SNX4: variants seen among roughly 807,000 people sequenced by gnomAD.
The protein encoded by SNX4 is sorting nexin 4.
SNX4 carries 49 observed loss-of-function variants against 70.8 expected under a neutral mutation model. The ratio of observed to expected loss-of-function variants is 0.69; its 90% confidence interval spans 0.55 to 0.88. The LOEUF is 0.88. Among genes scored for constraint, SNX4 ranks in the 40% least tolerant of loss-of-function variants. The pLI is 0.00. For missense variants in SNX4, 528 were observed against 544.8 expected (o/e 0.97, Z 0.31); for synonymous variants, 206 against 183.8 (o/e 1.12, Z -0.98).
At chr3:125,478,314 C>T (rs1197486006) in intron 7 of SNX4, among the ~76,000 whole-genome samples, 1 of 151,988 alleles carries the variant, frequency 6.6e-6, no homozygotes, top group Non-Finnish European at 1.5e-5. Flanking sequence ...AAATGATCTG[C>T]CCACCTTGGC....
chr3:125,505,731 C>G (rs1935031069), intron 1 of SNX4, among the ~76,000 whole-genome samples: 1 of 152,168 alleles, frequency 6.6e-6, no homozygotes, highest in African/African-American at 2.4e-5. Context: ...CAGGGGACTT[C>G]AAAAGCCAGC....
Position 125,497,954 on chromosome 3 carries a change from A to G in SNX4, c.429T>C (p.Ala143=), listed in dbSNP as rs1559822286. Residue 143 remains alanine (A), a synonymous_variant, in exon 4 of 14, where the codon GCT becomes GCC. Coordinates refer to ENST00000251775, the MANE Select transcript of SNX4 (RefSeq NM_003794.4). The part of the protein sequence containing the change: ...RAEFVWHKLS[A]DNMDPDFVER... ...CCACAAAATCTGGATCCATGTTGTC[A>G]GCAGAGAGTTTATGCCAAACAAATT... 1.2e-6 allele frequency: 2 copies of G among 1,614,094 alleles called. No individual in the cohort carries two copies. The highest frequency in any genetic ancestry group is 1.7e-6 in the Non-Finnish European group (2 of 1,180,044).
At chr3:125,505,356 C>G (rs1935024271) in intron 1 of SNX4, among the ~76,000 whole-genome samples, 2 of 152,132 alleles carry the variant, frequency 1.3e-5, no homozygotes, top group Non-Finnish European at 2.9e-5. Flanking sequence ...GTAGGAAGCA[C>G]CAGGAATCCA....
At chr3:125,519,948 G>GCCCAGCCCACTGGCCCGGCCCA in intron 1 of SNX4, 84 bp downstream of exon 1, 1 of 774,426 alleles carries the variant, frequency 1.3e-6, no homozygotes, top group Non-Finnish European at 1.8e-6. Flanking sequence ...GGCCCGGCCC[G>GCCCAGCCCACTGGCCCGGCCCA]GCCCAGCCCA....
chr3:125,468,442 G>A (rs563410569), intron 9 of SNX4, among the ~76,000 whole-genome samples: 3 of 147,602 alleles, frequency 2.0e-5, no homozygotes, highest in Non-Finnish European at 4.5e-5. Flanking sequence ...GGCTCCCGCC[G>A]CTAATCCCAG....
chr3:125,472,113 T>C (rs557275509), intron 8 of SNX4, among the ~76,000 whole-genome samples: 370 of 152,328 alleles, frequency 2.4e-3, no homozygotes, highest in African/African-American at 8.5e-3. Flanking sequence ...CTCAGTCTTT[T>C]TTCTTAGTCC....
chr3:125,480,998 G>C (rs1934398104), intron 6 of SNX4, among the ~76,000 whole-genome samples: 2 of 151,798 alleles, frequency 1.3e-5, no homozygotes, highest in Non-Finnish European at 2.9e-5. Flanking sequence ...ATTAACTCAG[G>C]TCTCTCATAG....
At chr3:125,476,857 T>C in intron 7 of SNX4, 101 bp from the exon 8 acceptor site, 1 of 649,320 alleles carries the variant, frequency 1.5e-6, no homozygotes, top group Non-Finnish European at 2.7e-6. Context: ...ACAATAAACT[T>C]GGAAATAGAA....
chr3:125,482,999 T>C (rs531234431), intron 6 of SNX4, among the ~76,000 whole-genome samples: 65 of 152,250 alleles, frequency 4.3e-4, no homozygotes, highest in African/African-American at 1.5e-3. Context: ...TGTTACTCTC[T>C]GGGGAGGGGA....
intron 11 of SNX4, among the ~76,000 whole-genome samples, chr3:125,455,607 A>T (rs115476331): frequency 3.3e-5 from 5 of 152,336 alleles, no homozygotes; most frequent in Non-Finnish European, 5.9e-5. Context: ...TTTTAAAAAT[A>T]AACCAAGGGC....
chr3:125,478,236 C>A (rs572221297), intron 7 of SNX4, among the ~76,000 whole-genome samples: 8 of 151,796 alleles, frequency 5.3e-5, no homozygotes, highest in Non-Finnish European at 1.2e-4. Flanking sequence ...TGCACCACCA[C>A]GCCCAGCTAG....
chr3:125,504,670 A>C lies in SNX4; in HGVS notation c.216T>G (p.Asn72Lys). ...VSEAEKRTGR[N>K]AMNMQETYTA... is the part of the protein sequence containing the mutation. ...TATATGTTTCTTGCATGTTCATGGCATTTCTTCCAGTTCGTTTTTCTGCTT... is the reference window on the plus strand; with the variant it reads ...TATATGTTTCTTGCATGTTCATGGCCTTTCTTCCAGTTCGTTTTTCTGCTT... Residue 72 changes from asparagine to lysine, a missense_variant, in exon 2 of 14, where the codon AAT (asparagine) becomes AAG (lysine). This residue lies in a region of SNX4 where 341 missense variants were observed against 312.2 expected (regional missense o/e 1.09). Transcript: ENST00000251775. 1.2e-6 allele frequency: 2 copies of C among 1,614,016 alleles called. No homozygotes were observed. Among genetic ancestry groups the C allele is most frequent in the Non-Finnish European group, 1.7e-6 (2 of 1,179,964 alleles).
Position 125,498,103 on chromosome 3 carries a change from C to T in SNX4, c.355G>A (p.Val119Ile). Residue 119 changes from valine (V) to isoleucine (I), a missense_variant, in exon 3 of 14, where the codon GTT becomes ATT. Physicochemically the swap from Val to Ile is conservative, Grantham distance 29. This residue lies in a region of SNX4 where 341 missense variants were observed against 312.2 expected (regional missense o/e 1.09). Transcript: ENST00000251775. ...EFELLRSYLLVYYPHIVVPPL... is the reference protein window; with the variant it reads ...EFELLRSYLLIYYPHIVVPPL... ...GGCACAACAATATGTGGATAGTAAACTAAAAGGTAGCTTCTCAACAACTCA... is the reference window on the plus strand; with the variant it reads ...GGCACAACAATATGTGGATAGTAAATTAAAAGGTAGCTTCTCAACAACTCA... 6.2e-7 allele frequency: 1 copy of T among 1,614,162 alleles called. No homozygotes were observed. The highest frequency in any genetic ancestry group is 8.5e-7 in the Non-Finnish European group (1 of 1,180,006).
At chr3:125,466,815 T>C (rs781601554) in intron 9 of SNX4, among the ~76,000 whole-genome samples, 2 of 152,078 alleles carry the variant, frequency 1.3e-5, no homozygotes, top group Non-Finnish European at 2.9e-5. Context: ...CCGGACGCAG[T>C]GGCTCACGCC....
chr3:125,457,572 CTTTTTTTTT>C (rs1005344428), intron 10 of SNX4, among the ~76,000 whole-genome samples: 2 of 110,438 alleles, frequency 1.8e-5, no homozygotes, highest in African/African-American at 7.1e-5. Flanking sequence ...TTCATATATT[CTTTTTTTTT>C]TTTTTTTTTT....
At chr3:125,450,867 AT>A (rs1365927460) in intron 13 of SNX4, among the ~76,000 whole-genome samples, 2 of 152,226 alleles carry the variant, frequency 1.3e-5, no homozygotes, top group Non-Finnish European at 2.9e-5. Flanking sequence ...AGAGTACCAT[AT>A]GATCTAAATA....
intron 1 of SNX4, 131 bp from the exon 2 acceptor site, chr3:125,504,875 G>T: frequency 2.1e-6 from 2 of 971,828 alleles, no homozygotes; most frequent in Non-Finnish European, 2.8e-6. Flanking sequence ...TAGTTCTTGA[G>T]TTGCCAGGGG....
chr3:125,465,092 G>A (rs542900518), intron 9 of SNX4, among the ~76,000 whole-genome samples: 1 of 151,982 alleles, frequency 6.6e-6, no homozygotes, highest in African/African-American at 2.4e-5. Flanking sequence ...ATGTTGCCCA[G>A]GCTGATCTCA....
In SNX4 at chr3:125,459,212, A is replaced by T. The variant is rs545285778; in HGVS notation, c.944+1559T>A. Among the ~76,000 whole-genome samples the T allele has an allele frequency of 3.3e-5, 5 of 152,222 alleles. No individual in the cohort carries two copies. In the East Asian group the frequency reaches 7.7e-4, roughly 23 times the overall value. ...AAACAAAATACAACAAGAAAGTTCAAGAACACTCTCTTTCCTCCAATCCCA... is the reference window on the plus strand; with the variant it reads ...AAACAAAATACAACAAGAAAGTTCATGAACACTCTCTTTCCTCCAATCCCA... On this transcript the variant is annotated intron_variant, in intron 10 of 13. Transcript: ENST00000251775.
Sources: allele counts gnomAD v4.1 joint callset (sites outside exome capture counted in the v4.1 genomes callset), GRCh38; gene constraint gnomAD v4.1.1; regional missense constraint gnomAD v4.1.1; transcripts MANE v1.5; gene names NCBI Gene and HGNC (gene_info 2026-07-23, HGNC 2026-07-21).